DPY19L2: variants seen among roughly 807,000 people sequenced by gnomAD.
DPY19L2 encodes probable C-mannosyltransferase DPY19L2.
Under a neutral mutation model 97.9 loss-of-function variants are expected in DPY19L2, and 34 were observed. That is an observed-to-expected ratio of 0.35 (90% CI 0.26 to 0.46). The LOEUF is 0.46. Among genes scored for constraint, DPY19L2 ranks in the 20% least tolerant of loss-of-function variants. DPY19L2 has a pLI of 1.00. For synonymous variants in DPY19L2, 230 were observed against 307.9 expected, an observed-to-expected ratio of 0.75 and a Z score of 2.65; for missense variants, 623 against 911.4, an observed-to-expected ratio of 0.68 and a Z score of 4.07.
At chr12:63,659,212 T>C (rs1167165117) in intron 4 of DPY19L2, among the ~76,000 whole-genome samples, 2 of 152,116 alleles carry the variant, frequency 1.3e-5, no homozygotes, top group African/African-American at 2.4e-5. Flanking sequence ...TCAAAGTTAA[T>C]ATTCAAAATC....
chr12:63,632,373 G>A lies in DPY19L2; in HGVS notation c.804-5847C>T, dbSNP rs184206443. Among the ~76,000 whole-genome samples the A allele has an allele frequency of 8.2e-3, 1,255 of 152,184 alleles. 13 individuals carry two copies. The highest frequency in any genetic ancestry group is 0.017 in the Middle Eastern group (5 of 294). ...ATAGGCAACTTCAGCAAAGTCTCAG[G>A]ATACAAAATCAATGTGCAAAAATCA... On this transcript the variant is annotated intron_variant, in intron 6 of 21. Coordinates refer to ENST00000324472, the MANE Select transcript of DPY19L2 (RefSeq NM_173812.5).
intron 6 of DPY19L2, among the ~76,000 whole-genome samples, chr12:63,640,526 G>A (rs1249467338): frequency 6.6e-6 from 1 of 152,138 alleles, no homozygotes. Context: ...TACCTTCCCA[G>A]TTAGTGTCAG....
At chr12:63,595,381 A>G (rs961668258) in intron 15 of DPY19L2, among the ~76,000 whole-genome samples, 4 of 152,186 alleles carry the variant, frequency 2.6e-5, no homozygotes, top group African/African-American at 7.2e-5. Flanking sequence ...ACCCAGACCA[A>G]GAAAACCTAC....
intron 4 of DPY19L2, among the ~76,000 whole-genome samples, chr12:63,654,274 T>C (rs1363873181): frequency 2.0e-5 from 3 of 152,152 alleles, no homozygotes; most frequent in Non-Finnish European, 4.4e-5. Context: ...CAACAGATTG[T>C]AATAAATTGT....
intron 16 of DPY19L2, among the ~76,000 whole-genome samples, chr12:63,592,850 G>A (rs955345723): frequency 3.9e-5 from 6 of 152,086 alleles, no homozygotes; most frequent in Admixed American, 3.9e-4. Flanking sequence ...GAGTCAACAG[G>A]CAACCTACAA....
intron 1 of DPY19L2, among the ~76,000 whole-genome samples, chr12:63,666,939 G>A (rs1049092525): frequency 3.3e-5 from 5 of 152,068 alleles, no homozygotes; most frequent in African/African-American, 9.7e-5. Flanking sequence ...AATTATTGAA[G>A]AAATTAAATT....
intron 2 of DPY19L2, 110 bp from the exon 3 acceptor site, chr12:63,663,955 T>A: frequency 4.3e-6 from 3 of 705,878 alleles, no homozygotes; most frequent in Admixed American, 3.2e-5. Context: ...TTATATTAAT[T>A]TTATAATTTG....
At chr12:63,620,066 A>G in intron 9 of DPY19L2, 1 of 428,574 alleles carries the variant, frequency 2.3e-6, no homozygotes, top group South Asian at 1.7e-5. Context: ...TCTTGGCAGA[A>G]TTTCTCACTT....
Position 63,631,069 on chromosome 12 carries a change from T to C in DPY19L2, c.804-4543A>G, listed in dbSNP as rs541164719. 4.0e-5 allele frequency among the ~76,000 whole-genome samples: 6 copies of C among 151,224 alleles called. No individual in the cohort carries two copies. In the South Asian group the frequency reaches 1.1e-3, roughly 27 times the overall value. On this transcript the variant is annotated intron_variant, in intron 6 of 21. Transcript: ENST00000324472. ...AATCTCTGGGACACATTCAAAGCAG[T>C]GTGTAGAGGGAAATTTATAGCACTA...
intron 6 of DPY19L2, among the ~76,000 whole-genome samples, chr12:63,628,604 G>T (rs976633975): frequency 1.3e-5 from 2 of 152,220 alleles, no homozygotes; most frequent in South Asian, 4.1e-4. Context: ...ACAGCTCAAC[G>T]AGGCCTCCCT....
intron 6 of DPY19L2, among the ~76,000 whole-genome samples, chr12:63,643,251 T>C (rs1432096231): frequency 2.0e-5 from 3 of 152,096 alleles, no homozygotes; most frequent in Non-Finnish European, 2.9e-5. Flanking sequence ...TACTTATTAC[T>C]ACTTTTCTTT....
chr12:63,628,314 T>A (rs1487369394), intron 6 of DPY19L2, among the ~76,000 whole-genome samples: 3 of 152,178 alleles, frequency 2.0e-5, no homozygotes, highest in African/African-American at 7.2e-5. Flanking sequence ...TTCCCTTTCC[T>A]AATCAAAGAA....
At chr12:63,577,735 C>G (rs1880111049) in intron 19 of DPY19L2, among the ~76,000 whole-genome samples, 1 of 152,114 alleles carries the variant, frequency 6.6e-6, no homozygotes, top group Non-Finnish European at 1.5e-5. Flanking sequence ...AATAGCATCT[C>G]ACTCCAGTTA....
chr12:63,647,744 T>C (rs1025460830), intron 4 of DPY19L2, among the ~76,000 whole-genome samples: 1 of 152,140 alleles, frequency 6.6e-6, no homozygotes, highest in Non-Finnish European at 1.5e-5. Context: ...ATGAAGCTAA[T>C]GTAAAAAGAC....
chr12:63,594,581 A>ATG (rs146124553), intron 15 of DPY19L2, among the ~76,000 whole-genome samples: 11,807 of 143,100 alleles, frequency 0.083, 1,100 homozygotes, highest in African/African-American at 0.24. Context: ...GGATGTTTGT[A>ATG]TGTGTGTGTG....
intron 7 of DPY19L2, among the ~76,000 whole-genome samples, chr12:63,625,968 ATATAAC>A (rs548676471): frequency 0.029 from 4,336 of 147,978 alleles, 100 homozygotes; most frequent in Middle Eastern, 0.079. Flanking sequence ...TTTTTATAAA[ATATAAC>A]TATAATTTTA....
At chr12:63,564,542 A>G (rs1877265468) in intron 21 of DPY19L2, among the ~76,000 whole-genome samples, 1 of 152,270 alleles carries the variant, frequency 6.6e-6, no homozygotes, top group South Asian at 2.1e-4. Flanking sequence ...GAATTTCCAT[A>G]TAGAATTCTG....
intron 6 of DPY19L2, among the ~76,000 whole-genome samples, chr12:63,629,734 C>T (rs569393593): frequency 1.4e-4 from 22 of 152,114 alleles, no homozygotes; most frequent in African/African-American, 4.1e-4. Context: ...AGATACTCCT[C>T]GAGAAGAGCA....
chr12:63,588,592 C>A (rs1024441775), intron 16 of DPY19L2, among the ~76,000 whole-genome samples: 16 of 151,870 alleles, frequency 1.1e-4, no homozygotes, highest in Non-Finnish European at 2.2e-4. Flanking sequence ...ATATAATAAT[C>A]CCCAAAATAT....
Sources: allele counts gnomAD v4.1 joint callset (sites outside exome capture counted in the v4.1 genomes callset), GRCh38; gene constraint gnomAD v4.1.1; transcripts MANE v1.5; gene names NCBI Gene and HGNC (gene_info 2026-07-23, HGNC 2026-07-21).